NBAS: variants seen among roughly 807,000 people sequenced by gnomAD.
The protein encoded by NBAS is NBAS subunit of NRZ tethering complex.
A neutral mutation model predicts 302.5 loss-of-function variants in NBAS; 219 were observed. That is an observed-to-expected ratio of 0.72 (90% CI 0.65 to 0.81). The LOEUF is 0.81. NBAS is among the 30% of genes least tolerant of loss of function. NBAS has a pLI of 0.00. For synonymous variants in NBAS, 1,118 were observed against 1,021.6 expected (o/e 1.09, Z -1.80); for missense variants, 2,932 against 2,841.6 (o/e 1.03, Z -0.72).
the NBAS span, among the ~76,000 whole-genome samples, chr2:14,914,402 G>A: frequency 1.3e-5 from 2 of 152,208 alleles, no homozygotes; most frequent in Non-Finnish European, 2.9e-5. Flanking sequence ...TGAGAGGCAG[G>A]TTTCATAATA....
intron 40 of NBAS, among the ~76,000 whole-genome samples, chr2:15,304,182 C>A (rs1302418219): frequency 6.6e-6 from 1 of 152,144 alleles, no homozygotes; most frequent in Admixed American, 6.5e-5. Flanking sequence ...AGGGTGGTTT[C>A]CCCCATGCCG....
At chr2:15,463,922 T>A (rs1002188531) in intron 19 of NBAS, among the ~76,000 whole-genome samples, 2 of 151,804 alleles carry the variant, frequency 1.3e-5, no homozygotes, top group African/African-American at 4.8e-5. Flanking sequence ...TAGACACACA[T>A]ACCTAAATAT....
the NBAS span, among the ~76,000 whole-genome samples, chr2:14,971,149 T>C: frequency 1.3e-5 from 2 of 152,190 alleles, no homozygotes; most frequent in African/African-American, 4.8e-5. Flanking sequence ...CTACATAAAA[T>C]GAACATTTGG....
In NBAS at chr2:15,468,618, A is replaced by G. The variant is rs115374877; in HGVS notation, c.1726-85T>C. On this transcript the variant is annotated intron_variant, in intron 16 of 51. Transcript: ENST00000281513. The stretch of plus-strand genomic sequence containing the variant: ...CAACTGCCTTCAGAATTGTAAAGCT[A>G]TACCTGATGTATTACAGCTATTTAG... 8.0e-4 allele frequency: 1,174 copies of G among 1,466,246 alleles called. 1 individual carries two copies. Among genetic ancestry groups the G allele is most frequent in the Non-Finnish European group, 1.1e-3 (1,126 of 1,049,578 alleles). The allele number at this position is 1,466,246 out of a possible 1,614,324, so 90.8% of individuals were successfully genotyped here.
At chr2:15,280,704 G>A (rs963631982) in intron 42 of NBAS, among the ~76,000 whole-genome samples, 1 of 152,136 alleles carries the variant, frequency 6.6e-6, no homozygotes, top group East Asian at 1.9e-4. Context: ...GCAGTGGCTT[G>A]TAAGCATTTT....
intron 44 of NBAS, among the ~76,000 whole-genome samples, chr2:15,265,127 T>C (rs896885565): frequency 2.0e-5 from 3 of 152,214 alleles, no homozygotes; most frequent in South Asian, 2.1e-4. Context: ...AGGTAAGACA[T>C]TGTATAGGCT....
At chr2:14,885,996 T>C in the NBAS span, among the ~76,000 whole-genome samples, 1 of 152,324 alleles carries the variant, frequency 6.6e-6, no homozygotes, top group East Asian at 1.9e-4. Context: ...TTGAGAAGTT[T>C]GCTATGTAGA....
chr2:15,454,402 T>A (rs1415721340), intron 21 of NBAS, among the ~76,000 whole-genome samples: 2 of 146,856 alleles, frequency 1.4e-5, no homozygotes, highest in Non-Finnish European at 3.0e-5. Flanking sequence ...GGATATTAGT[T>A]AAAAAAAAAA....
the NBAS span, among the ~76,000 whole-genome samples, chr2:14,849,524 G>A: frequency 2.6e-5 from 4 of 151,682 alleles, no homozygotes; most frequent in Non-Finnish European, 4.4e-5. Context: ...TTATCCAGGA[G>A]AACTTCCCCA....
chr2:14,904,210 T>C, the NBAS span, among the ~76,000 whole-genome samples: 2 of 152,326 alleles, frequency 1.3e-5, no homozygotes, highest in Admixed American at 1.3e-4. Flanking sequence ...TAGGGAGAAC[T>C]GGCTCACACG....
chr2:15,334,147 C>T (rs1246068442), intron 35 of NBAS, among the ~76,000 whole-genome samples: 1 of 151,814 alleles, frequency 6.6e-6, no homozygotes. Flanking sequence ...AAGCTGCCTA[C>T]AGACAACTGG....
At chr2:14,794,396 A>G in the NBAS span, among the ~76,000 whole-genome samples, 3 of 152,150 alleles carry the variant, frequency 2.0e-5, no homozygotes, top group Non-Finnish European at 4.4e-5. Flanking sequence ...ATTACTTTTT[A>G]CTTAATGACC....
chr2:15,324,580 T>C (rs10929360), intron 38 of NBAS, among the ~76,000 whole-genome samples: 35,865 of 151,988 alleles, frequency 0.24, 4,625 homozygotes, highest in Middle Eastern at 0.39. Flanking sequence ...ACTCTACAAT[T>C]CCAGTGCCTC....
chr2:15,234,574 A>G lies in NBAS; in HGVS notation c.6117T>C (p.Ser2039=). The change falls in exon 46 of 52, where the codon AGT becomes AGC. Residue 2039 remains serine, a synonymous_variant. Transcript: ENST00000281513. ...LDISPKDIVQ[S]AIMKIISALS... Reference sequence around the variant, plus strand: ...ATGCAGAAATTATTTTCATGATTGCACTCTGCACTATATCCTTGGGTGAGA... The same window carrying G: ...ATGCAGAAATTATTTTCATGATTGCGCTCTGCACTATATCCTTGGGTGAGA... 1.9e-6 allele frequency: 3 copies of G among 1,614,030 alleles called. No homozygotes were observed. Among genetic ancestry groups the G allele is most frequent in the Non-Finnish European group, 8.5e-7 (1 of 1,179,980 alleles).
At chr2:15,143,647 G>C in the NBAS span, among the ~76,000 whole-genome samples, 7 of 152,076 alleles carry the variant, frequency 4.6e-5, no homozygotes, top group East Asian at 1.9e-4. Context: ...CACACCCCTC[G>C]TATGATGGTT....
At chr2:14,872,983 A>G in the NBAS span, among the ~76,000 whole-genome samples, 440 of 152,364 alleles carry the variant, frequency 2.9e-3, 3 homozygotes, top group African/African-American at 0.01. Flanking sequence ...CCCAGTGAGC[A>G]GCAGTAAGAT....
intron 29 of NBAS, among the ~76,000 whole-genome samples, chr2:15,382,705 C>T (rs985807679): frequency 6.6e-6 from 1 of 152,152 alleles, no homozygotes; most frequent in African/African-American, 2.4e-5. Context: ...TCTTCTATAG[C>T]TTTCTATGTC....
chr2:15,525,929 A>T (rs568958900), intron 9 of NBAS, among the ~76,000 whole-genome samples: 60 of 152,316 alleles, frequency 3.9e-4, no homozygotes, highest in African/African-American at 1.4e-3. Context: ...TTAAGTGTTA[A>T]TTTGGGACTG....
chr2:15,407,380 C>T (rs949352074), intron 25 of NBAS, among the ~76,000 whole-genome samples: 3 of 152,112 alleles, frequency 2.0e-5, no homozygotes, highest in African/African-American at 7.2e-5. Flanking sequence ...AGGAGAGGGG[C>T]CTAGTAATCA....
Sources: gnomAD v4.1 joint callset for allele counts (sites outside exome capture counted in the v4.1 genomes callset) on GRCh38, gnomAD v4.1.1 for gene constraint, MANE v1.5 for transcripts, NCBI Gene and HGNC (gene_info 2026-07-23, HGNC 2026-07-21) for gene names.